Variants in RIT2 observed in about 807,000 individuals in gnomAD.
RIT2 encodes the protein GTP-binding protein Rit2.
RIT2 carries 24 observed loss-of-function variants against 23.7 expected under a neutral mutation model. That is an observed-to-expected ratio of 1.01 (90% CI 0.73 to 1.43). RIT2 has a LOEUF of 1.43. RIT2 is among the 40% of genes most tolerant of loss of function. RIT2 has a pLI of 0.00. For missense variants in RIT2, 236 were observed against 266.9 expected, an observed-to-expected ratio of 0.88 and a Z score of 0.81; for synonymous variants, 107 against 91.1, an observed-to-expected ratio of 1.17 and a Z score of -0.99.
At chr18:43,073,346 G>A (rs929065587) in intron 1 of RIT2, among the ~76,000 whole-genome samples, 1 of 152,080 alleles carries the variant, frequency 6.6e-6, no homozygotes, top group Non-Finnish European at 1.5e-5. Context: ...TTCATTGCTT[G>A]GTTATGTTCT....
chr18:42,894,514 A>G (rs1393975763), intron 4 of RIT2, among the ~76,000 whole-genome samples: 2 of 152,204 alleles, frequency 1.3e-5, no homozygotes, highest in Admixed American at 1.3e-4. Flanking sequence ...ATAATACTCA[A>G]AAAGTAGCAG....
intron 4 of RIT2, among the ~76,000 whole-genome samples, chr18:42,886,606 G>A (rs1377602989): frequency 2.6e-5 from 4 of 152,196 alleles, no homozygotes; most frequent in South Asian, 2.1e-4. Context: ...AAGTTGTACT[G>A]CCTTTTCTGT....
At chr18:42,773,345 A>T (rs1356680719) in intron 4 of RIT2, among the ~76,000 whole-genome samples, 1 of 152,212 alleles carries the variant, frequency 6.6e-6, no homozygotes, top group East Asian at 1.9e-4. Flanking sequence ...ACAGAGTGAT[A>T]GCATTAAGAA....
intron 4 of RIT2, among the ~76,000 whole-genome samples, chr18:42,802,199 G>C (rs924369783): frequency 6.6e-6 from 1 of 152,100 alleles, no homozygotes; most frequent in Non-Finnish European, 1.5e-5. Context: ...TAAACGTTAA[G>C]TCTTCTACTT....
rs1458827503 is a variant in RIT2 at position 42,743,364 on chromosome 18, CT to C, written c.*128del. On this transcript the variant is annotated 3_prime_UTR_variant, in exon 5 of 5. Transcript: ENST00000326695. ...AAGAGGTACAGATATGCAGAGCTTGCTTTTACCTACAGGCAGATATTTAAAG... is the reference window on the plus strand; with the variant it reads ...AAGAGGTACAGATATGCAGAGCTTGCTTTACCTACAGGCAGATATTTAAAG... The C allele has an allele frequency of 2.8e-6, 2 of 705,172 alleles. No homozygotes were observed. The highest frequency in any genetic ancestry group is 3.6e-5 in the African/African-American group (2 of 55,620). The allele number at this position is 705,172 out of a possible 1,614,324, so 43.7% of individuals were successfully genotyped here.
chr18:43,032,935 G>A (rs1387694623), intron 2 of RIT2, among the ~76,000 whole-genome samples: 2 of 152,070 alleles, frequency 1.3e-5, no homozygotes, highest in Non-Finnish European at 2.9e-5. Context: ...ACCCATGGGT[G>A]GGGTGAGGAT....
chr18:42,899,953 T>G (rs1040927059), intron 4 of RIT2, among the ~76,000 whole-genome samples: 1 of 152,104 alleles, frequency 6.6e-6, no homozygotes, highest in Non-Finnish European at 1.5e-5. Context: ...AATATATTAT[T>G]AAATTGAGCA....
intron 3 of RIT2, among the ~76,000 whole-genome samples, chr18:42,952,938 C>T (rs984320102): frequency 3.3e-5 from 5 of 150,942 alleles, no homozygotes; most frequent in African/African-American, 1.2e-4. Flanking sequence ...GTTTTATACT[C>T]CTGAGGTGTT....
intron 4 of RIT2, among the ~76,000 whole-genome samples, chr18:42,907,123 T>C (rs1337647705): frequency 2.0e-5 from 3 of 152,196 alleles, no homozygotes; most frequent in Non-Finnish European, 4.4e-5. Context: ...AAAAAATTTG[T>C]TTCTGATTTT....
intron 4 of RIT2, among the ~76,000 whole-genome samples, chr18:42,832,156 G>A (rs370978974): frequency 6.6e-6 from 1 of 152,200 alleles, no homozygotes; most frequent in South Asian, 2.1e-4. Context: ...AAATGAAGCA[G>A]CAAGGAGGAA....
intron 4 of RIT2, among the ~76,000 whole-genome samples, chr18:42,865,974 T>C (rs1374355581): frequency 2.0e-5 from 3 of 152,188 alleles, no homozygotes; most frequent in Non-Finnish European, 4.4e-5. Context: ...TCTTTTTCTG[T>C]GATACCATCA....
intron 4 of RIT2, among the ~76,000 whole-genome samples, chr18:42,915,569 A>G (rs1464253645): frequency 1.3e-5 from 2 of 152,058 alleles, no homozygotes; most frequent in Non-Finnish European, 2.9e-5. Context: ...TGAAAACCAA[A>G]CAATTCAGTG....
chr18:42,762,517 T>C (rs186940055), intron 4 of RIT2, among the ~76,000 whole-genome samples: 201 of 152,316 alleles, frequency 1.3e-3, no homozygotes, highest in African/African-American at 4.5e-3. Flanking sequence ...ACACCAGATA[T>C]TAAAGGTTTT....
intron 4 of RIT2, among the ~76,000 whole-genome samples, chr18:42,892,879 G>A (rs1908218671): frequency 6.6e-6 from 1 of 152,108 alleles, no homozygotes; most frequent in African/African-American, 2.4e-5. Context: ...AAAGTGGTCT[G>A]AGTTAGGTCT....
chr18:42,954,469 G>T (rs1909926829), intron 3 of RIT2, among the ~76,000 whole-genome samples: 1 of 151,266 alleles, frequency 6.6e-6, no homozygotes, highest in Admixed American at 6.6e-5. Flanking sequence ...AGTAGATGAT[G>T]GTATCAACTT....
chr18:42,764,913 T>C (rs1913385752), intron 4 of RIT2, among the ~76,000 whole-genome samples: 1 of 152,250 alleles, frequency 6.6e-6, no homozygotes. Flanking sequence ...ACTTGCCAGC[T>C]GATTTGACAC....
chr18:42,800,763 C>T (rs1180761448), intron 4 of RIT2, among the ~76,000 whole-genome samples: 3 of 152,036 alleles, frequency 2.0e-5, no homozygotes, highest in African/African-American at 7.2e-5. Flanking sequence ...GATCTCCTGA[C>T]CTCGTGATCC....
intron 2 of RIT2, among the ~76,000 whole-genome samples, chr18:43,030,183 T>G (rs1233171472): frequency 6.6e-6 from 1 of 152,108 alleles, no homozygotes; most frequent in Non-Finnish European, 1.5e-5. Flanking sequence ...ACATTAGTGA[T>G]ATTAAAAATA....
intron 4 of RIT2, among the ~76,000 whole-genome samples, chr18:42,910,394 A>G (rs911927692): frequency 6.6e-6 from 1 of 152,122 alleles, no homozygotes. Context: ...GCAGGGAAAT[A>G]CTGGGTATAA....
Sources: allele counts gnomAD v4.1 joint callset (sites outside exome capture counted in the v4.1 genomes callset), GRCh38; gene constraint gnomAD v4.1.1; transcripts MANE v1.5; gene names NCBI Gene and HGNC (gene_info 2026-07-23, HGNC 2026-07-21).